Variants in ACSM2B observed in about 807,000 individuals in gnomAD.
ACSM2B encodes acyl-coenzyme A synthetase ACSM2B, mitochondrial.
Under a neutral mutation model 78.6 loss-of-function variants are expected in ACSM2B, and 58 were observed. The observed-to-expected ratio is 0.74, with a 90% confidence interval of 0.60 to 0.92. ACSM2B has a LOEUF of 0.92. ACSM2B is among the 40% of genes least tolerant of loss of function. The probability of loss-of-function intolerance (pLI) is 0.00; values close to 1 mark genes in which losing one functional copy is unlikely to be tolerated. For synonymous variants in ACSM2B, 257 were observed against 256.8 expected (o/e 1.00, Z -0.01); for missense variants, 688 against 711.2 (o/e 0.97, Z 0.37).
intron 3 of ACSM2B, among the ~76,000 whole-genome samples, chr16:20,557,797 C>G (rs1054478950): frequency 6.6e-6 from 1 of 152,156 alleles, no homozygotes; most frequent in Non-Finnish European, 1.5e-5. Context: ...TTTCAAGCTT[C>G]CCTCCCCTGT....
intron 6 of ACSM2B, among the ~76,000 whole-genome samples, chr16:20,550,634 CT>C (rs2015285727): frequency 6.6e-6 from 1 of 152,146 alleles, no homozygotes; most frequent in South Asian, 2.1e-4. Context: ...GGCTTTTTGA[CT>C]TTTGAAGACG....
At chr16:20,570,348 T>C (rs2016058891) in intron 1 of ACSM2B, among the ~76,000 whole-genome samples, 1 of 152,072 alleles carries the variant, frequency 6.6e-6, no homozygotes, top group South Asian at 2.1e-4. Context: ...ATTCTGTTTA[T>C]GTGGTGTATC....
intron 6 of ACSM2B, among the ~76,000 whole-genome samples, chr16:20,549,028 C>T (rs750126969): frequency 1.4e-4 from 21 of 152,090 alleles, no homozygotes; most frequent in Non-Finnish European, 2.8e-4. Context: ...TCCTGTGTTA[C>T]CTCATTTAAT....
intron 13 of ACSM2B, among the ~76,000 whole-genome samples, chr16:20,540,287 G>A (rs2014952656): frequency 6.9e-6 from 1 of 145,026 alleles, no homozygotes; most frequent in Non-Finnish European, 1.5e-5. Context: ...CTGTCACTTA[G>A]GCTGGAGTGC....
At chr16:20,549,390 G>C (rs866066496) in intron 6 of ACSM2B, among the ~76,000 whole-genome samples, 2 of 152,136 alleles carry the variant, frequency 1.3e-5, no homozygotes, top group Admixed American at 1.3e-4. Context: ...ACTCTGCAGA[G>C]TCCCAAGGAG....
chr16:20,549,683 G>C (rs1454990080), intron 6 of ACSM2B: 2 of 411,312 alleles, frequency 4.9e-6, no homozygotes, highest in Admixed American at 5.4e-5. Flanking sequence ...AGGAGGTCCT[G>C]AGAACACGTG....
In ACSM2B at chr16:20,575,968, C is replaced by T. The variant is rs1228033342; in HGVS notation, c.-9+239G>A. ...TCTCTGACCACCACCCAACTACCAGCCCCCTGTTACCACCTTTTTCCAGCT... is the reference window on the plus strand; with the variant it reads ...TCTCTGACCACCACCCAACTACCAGTCCCCTGTTACCACCTTTTTCCAGCT... On this transcript the variant is annotated intron_variant, in intron 1 of 13. Coordinates refer to ENST00000329697, the MANE Select transcript of ACSM2B (RefSeq NM_001105069.2). Among the ~76,000 whole-genome samples, 4 of 151,226 alleles carry T rather than the reference C, an allele frequency of 2.6e-5. No individual in the cohort carries two copies. The South Asian group carries it at 6.4e-4, about 24-fold the overall frequency.
chr16:20,540,320 G>T (rs2014953816), intron 13 of ACSM2B, among the ~76,000 whole-genome samples: 1 of 148,402 alleles, frequency 6.7e-6, no homozygotes, highest in South Asian at 2.1e-4. Flanking sequence ...TCGGCTCACT[G>T]TAACCTACAC....
intron 1 of ACSM2B, among the ~76,000 whole-genome samples, chr16:20,573,439 G>T (rs2016149204): frequency 6.7e-6 from 1 of 149,446 alleles, no homozygotes; most frequent in Non-Finnish European, 1.5e-5. Context: ...ATGGCAGCAT[G>T]GGTTAGGGAG....
At position 20,576,294 on chromosome 16, in the gene ACSM2B, G is replaced by A. The variant is rs1483138685; in HGVS notation, c.-96C>T. ...CAGCTCCAGAACTCCTACAGCCTTGGAAGAGAGCACAGTAACTCAAGCAGA... is the reference window on the plus strand; with the variant it reads ...CAGCTCCAGAACTCCTACAGCCTTGAAAGAGAGCACAGTAACTCAAGCAGA... On this transcript the variant is annotated 5_prime_UTR_variant, in exon 1 of 14. Transcript: ENST00000329697. The A allele has an allele frequency of 6.6e-6, 1 of 151,470 alleles. No homozygotes were observed. The highest frequency in any genetic ancestry group is 2.4e-5 in the African/African-American group (1 of 40,882). 9.4% of individuals were successfully genotyped at this position (151,470 alleles called of 1,614,324 possible). A position where few individuals can be genotyped will look rare whatever the true frequency, so the allele number is the denominator to read the frequency against.
At position 20,551,793 on chromosome 16, in the gene ACSM2B, G is replaced by A. The variant is rs140591076; in HGVS notation, c.894+351C>T. On this transcript the variant is annotated intron_variant, in intron 6 of 13. Transcript: ENST00000329697. ...AACACACACACACACTCATGAGAGCGAGATGGCATCCCCTCCAATACTCCA... is the reference window on the plus strand; with the variant it reads ...AACACACACACACACTCATGAGAGCAAGATGGCATCCCCTCCAATACTCCA... Among the ~76,000 whole-genome samples the A allele has an allele frequency of 1.8e-4, 28 of 152,268 alleles. No individual in the cohort carries two copies. In the East Asian group the frequency reaches 4.0e-3, roughly 22 times the overall value.
rs570695752 is a variant in ACSM2B, at chr16:20,546,459, C to T, written c.1114G>A (p.Val372Ile). 1.2e-6 allele frequency: 2 copies of T among 1,607,754 alleles called. No homozygotes were observed. Among genetic ancestry groups the T allele is most frequent in the African/African-American group, 2.7e-5 (2 of 74,746 alleles). ...GQTETGLTCMVSKTMKIKPGY... is the reference protein window; with the variant it reads ...GQTETGLTCMISKTMKIKPGY... Reference sequence around the variant, plus strand: ...GGTTTGATTTTCATTGTCTTGGAAACCATGCAAGTTAATCCCTGTGGAAAG... The same window carrying T: ...GGTTTGATTTTCATTGTCTTGGAAATCATGCAAGTTAATCCCTGTGGAAAG... Residue 372 changes from valine (V) to isoleucine (I), a missense_variant, in exon 9 of 14, where the codon GTT becomes ATT. By Grantham distance (29) the Val-to-Ile change is conservative. Coordinates refer to ENST00000329697, the MANE Select transcript of ACSM2B (RefSeq NM_001105069.2).
intron 2 of ACSM2B, among the ~76,000 whole-genome samples, chr16:20,560,017 A>G (rs1305139180): frequency 6.6e-6 from 1 of 151,130 alleles, no homozygotes; most frequent in African/African-American, 2.5e-5. Context: ...GTAAAAATAC[A>G]CATAACATTT....
intron 13 of ACSM2B, 63 bp downstream of exon 13, chr16:20,540,591 A>C (rs536882046): frequency 1.1e-5 from 17 of 1,592,586 alleles, no homozygotes; most frequent in Non-Finnish European, 1.5e-5. Context: ...TGAAGAAGAT[A>C]AATATAACAG....
rs754312471 is a variant in ACSM2B at position 20,543,224 on chromosome 16, G to C, written c.1320C>G (p.Asp440Glu). The change falls in exon 11 of 14, where the codon GAC becomes GAG. Residue 440 changes from aspartate (D) to glutamate (E), a missense_variant. By Grantham distance (45) the Asp-to-Glu change is conservative (BLOSUM62 2). Coordinates refer to ENST00000329697, the MANE Select transcript of ACSM2B (RefSeq NM_001105069.2). ...PDKTAANIRG[D>E]FWLLGDRGIK... The stretch of plus-strand genomic sequence containing the variant: ...TTCCCCGGTCTCCAAGGAGCCAAAA[G>C]TCTCCTCGAATGTTGGCTGCTGTCT... 1.2e-6 allele frequency: 2 copies of C among 1,613,854 alleles called. No homozygotes were observed. The highest frequency in any genetic ancestry group is 1.3e-5 in the African/African-American group (1 of 74,870).
intron 3 of ACSM2B, among the ~76,000 whole-genome samples, chr16:20,557,294 C>G (rs1048302894): frequency 6.6e-6 from 1 of 152,174 alleles, no homozygotes; most frequent in Admixed American, 6.5e-5. Flanking sequence ...ATACCCATAC[C>G]TCTTTCTATA....
chr16:20,559,542 A>C, intron 2 of ACSM2B, 95 bp from the exon 3 acceptor site: 1 of 1,468,468 alleles, frequency 6.8e-7, no homozygotes, highest in South Asian at 1.4e-5. Flanking sequence ...GGTGCTTAGT[A>C]AGGTTTTTTA....
intron 10 of ACSM2B, among the ~76,000 whole-genome samples, chr16:20,544,159 T>A (rs962676682): frequency 2.0e-5 from 3 of 152,184 alleles, no homozygotes; most frequent in South Asian, 2.1e-4. Context: ...TAGTGGGACC[T>A]CACAAAGGAA....
chr16:20,550,536 G>C (rs1266917080), intron 6 of ACSM2B, among the ~76,000 whole-genome samples: 2 of 151,988 alleles, frequency 1.3e-5, no homozygotes, highest in Non-Finnish European at 2.9e-5. Context: ...AAATCCTTTT[G>C]AGAAGGACAC....
Sources: gnomAD v4.1 joint callset for allele counts (sites outside exome capture counted in the v4.1 genomes callset) on GRCh38, gnomAD v4.1.1 for gene constraint, MANE v1.5 for transcripts, NCBI Gene and HGNC (gene_info 2026-07-23, HGNC 2026-07-21) for gene names.